Variants in AQP7 observed in about 807,000 individuals in gnomAD.
AQP7 encodes the protein aquaporin-7.
Under a neutral mutation model 26.1 loss-of-function variants are expected in AQP7, and 22 were observed. The observed-to-expected ratio is 0.84, with a 90% CI of 0.60 to 1.20. The LOEUF is 1.20. Among genes scored for constraint, AQP7 ranks in the 50% most tolerant of loss-of-function variants. The pLI, the probability that AQP7 is intolerant of heterozygous loss-of-function variation, is 0.00. For missense variants in AQP7, 412 were observed against 457.5 expected (o/e 0.90, Z 0.91); for synonymous variants, 167 against 181.7 (o/e 0.92, Z 0.65).
At chr9:33,401,165 A>G (rs3870386) in intron 2 of AQP7, 72 bp downstream of exon 2, 16 of 1,496,972 alleles carry the variant, frequency 1.1e-5, no homozygotes, top group Middle Eastern at 4.7e-4. Context: ...TGAGGATGGA[A>G]CAGGGAGGGC....
rs1215848555 is a variant in AQP7, at chr9:33,387,002, T to C, written c.235A>G (p.Thr79Ala). ...GVNLGFGFGV[T>A]MGVHVAGRIS... is the part of the protein sequence containing the mutation. ...CGGCCTGCCACGTGCACTCCCATGG[T>C]GACTCCGAAGCCAAAACCCAAGTTG... Residue 79 changes from threonine to alanine, a missense_variant, in exon 4 of 8, where the codon ACC becomes GCC. Transcript: ENST00000297988. The C allele has an allele frequency of 3.7e-6, 6 of 1,611,958 alleles. No individual in the cohort carries two copies. The highest frequency in any genetic ancestry group is 4.2e-6 in the Non-Finnish European group (5 of 1,179,816).
intron 3 of AQP7, among the ~76,000 whole-genome samples, chr9:33,394,434 T>G (rs76975571): frequency 2.0e-5 from 3 of 151,254 alleles, no homozygotes; most frequent in African/African-American, 7.3e-5. Flanking sequence ...CACTGCCCTC[T>G]GGATTCATTA....
At chr9:33,392,623 G>T (rs1359088420) in intron 3 of AQP7, among the ~76,000 whole-genome samples, 2 of 152,170 alleles carry the variant, frequency 1.3e-5, no homozygotes, top group Non-Finnish European at 2.9e-5. Context: ...GCACCCTCCT[G>T]CCTCCGAGGT....
At chr9:33,385,350 C>T in intron 7 of AQP7, 60 bp from the exon 8 acceptor site, 2 of 1,547,256 alleles carry the variant, frequency 1.3e-6, no homozygotes, top group Non-Finnish European at 1.7e-6. Context: ...CACCCTCATC[C>T]ACCTCGGGCC....
At chr9:33,389,750 G>A (rs1484034982) in intron 3 of AQP7, among the ~76,000 whole-genome samples, 1 of 152,144 alleles carries the variant, frequency 6.6e-6, no homozygotes, top group African/African-American at 2.4e-5. Context: ...TAAGAAGGCA[G>A]ACCAGGCCGG....
chr9:33,395,021 G>A (rs1188777820), intron 3 of AQP7, 57 bp downstream of exon 3: 2 of 1,442,140 alleles, frequency 1.4e-6, no homozygotes, highest in Admixed American at 3.4e-5. Context: ...GCATGGGGAG[G>A]GGGTCATGGA....
Position 33,386,196 on chromosome 9 carries a change from C to G in AQP7, c.407-1G>C, listed in dbSNP as rs780744415. On this transcript the variant is annotated splice_acceptor_variant, in intron 5 of 7. Transcript: ENST00000297988. LOFTEE classifies it high-confidence loss of function. Reference sequence around the variant, plus strand: ...CCACCCGAAAAGTGGAGAATGGCCGCTGCGGAGACACAGACTGTCATGCGA... The same window carrying G: ...CCACCCGAAAAGTGGAGAATGGCCGGTGCGGAGACACAGACTGTCATGCGA... 3.7e-6 allele frequency: 6 copies of G among 1,614,014 alleles called. No homozygotes were observed. The Admixed American group carries it at 1.0e-4, about 27-fold the overall frequency.
At chr9:33,391,255 C>T (rs1379828379) in intron 3 of AQP7, among the ~76,000 whole-genome samples, 1 of 152,202 alleles carries the variant, frequency 6.6e-6, no homozygotes, top group East Asian at 1.9e-4. Context: ...ACAGAAGTTT[C>T]CTTCTCTCTT....
chr9:33,397,680 A>T (rs1249399874), intron 2 of AQP7, among the ~76,000 whole-genome samples: 3 of 151,968 alleles, frequency 2.0e-5, no homozygotes, highest in African/African-American at 7.2e-5. Context: ...AGGGGAATTT[A>T]GGAGCCCTGA....
chr9:33,388,154 C>T (rs60426557), intron 3 of AQP7, among the ~76,000 whole-genome samples: 1,961 of 152,282 alleles, frequency 0.013, 43 homozygotes, highest in African/African-American at 0.044. Flanking sequence ...GCGGGGGAGC[C>T]GGATCCCTAT....
At chr9:33,401,463 C>T (rs1826274966) in intron 1 of AQP7, 176 bp from the exon 2 acceptor site, 1 of 605,518 alleles carries the variant, frequency 1.7e-6, no homozygotes, top group African/African-American at 1.9e-5. Context: ...AGGCGACGCC[C>T]TGGAGCCCCA....
rs937254657 is a variant in AQP7, at chr9:33,384,123, C to T, written c.*882G>A. On this transcript the variant is annotated 3_prime_UTR_variant, in exon 8 of 8. Coordinates refer to ENST00000297988, the MANE Select transcript of AQP7 (RefSeq NM_001170.3). ...AGGCAACAGAGTGATTCCTGCCTGG[C>T]CCCAGGGTCAGTGGATCCTGGCCCC... is the stretch of plus-strand genomic sequence containing the variant. 2.6e-5 allele frequency: 4 copies of T among 152,240 alleles called. No individual in the cohort carries two copies. The highest frequency in any genetic ancestry group is 5.9e-5 in the Non-Finnish European group (4 of 68,062). 9.4% of individuals were successfully genotyped at this position (152,240 alleles called of 1,614,324 possible).
intron 5 of AQP7, 48 bp from the exon 6 acceptor site, chr9:33,386,243 A>G (rs1190757475): frequency 9.3e-6 from 15 of 1,611,248 alleles, no homozygotes; most frequent in Non-Finnish European, 1.3e-5. Flanking sequence ...ACTAAGCCCC[A>G]CCGGGGTCCC....
At chr9:33,388,280 C>T (rs1011171926) in intron 3 of AQP7, among the ~76,000 whole-genome samples, 3 of 152,164 alleles carry the variant, frequency 2.0e-5, no homozygotes, top group Admixed American at 6.5e-5. Context: ...CCCCGTTGGC[C>T]GAGCCAGAAA....
rs959914653 is a variant in AQP7, at chr9:33,401,244, G to T, written c.19C>A (p.His7Asn). 5.2e-6 allele frequency: 8 copies of T among 1,549,246 alleles called. No individual in the cohort carries two copies. The African/African-American group carries it at 8.2e-5, about 16-fold the overall frequency. The change falls in exon 2 of 8, where the codon CAC becomes AAC. Residue 7 changes from histidine to asparagine, a missense_variant. By Grantham distance (68) the His-to-Asn change is moderately conservative (BLOSUM62 1). Coordinates refer to ENST00000297988, the MANE Select transcript of AQP7 (RefSeq NM_001170.3). Reference sequence around the variant, plus strand: ...AGAGGGTGGGGTACTTACCGCCTGTGCCCGGATGCTTGAACCATGTTTTGT... The same window carrying T: ...AGAGGGTGGGGTACTTACCGCCTGTTCCCGGATGCTTGAACCATGTTTTGT... MVQASG[H>N]RRSTRGSKMV...
Position 33,388,562 on chromosome 9 carries a change from A to T in AQP7, c.145-1470T>A, listed in dbSNP as rs536014434. ...CCCAATACTCTTTGTATTCAGCAAT[A>T]GTATTACTACTAAATAATAATAACC... On this transcript the variant is annotated intron_variant, in intron 3 of 7. Coordinates refer to ENST00000297988, the MANE Select transcript of AQP7 (RefSeq NM_001170.3). Among the ~76,000 whole-genome samples, 4 of 152,358 alleles carry T rather than the reference A, an allele frequency of 2.6e-5. No individual in the cohort carries two copies. In the South Asian group the frequency reaches 8.3e-4, roughly 32 times the overall value.
At position 33,385,695 on chromosome 9, in the gene AQP7, G is replaced by T. The variant is rs1936851041; in HGVS notation, c.697C>A (p.Pro233Thr). The T allele has an allele frequency of 1.2e-6, 2 of 1,613,814 alleles. No homozygotes were observed. Among genetic ancestry groups the T allele is most frequent in the Admixed American group, 1.7e-5 (1 of 60,012 alleles). The change falls in exon 7 of 8, where the codon CCC becomes ACC. Residue 233 changes from proline to threonine, a missense_variant. Transcript: ENST00000297988. ...YAINPSRDLP[P>T]RIFTFIAGWG... is the part of the protein sequence containing the mutation. ...CCAGCAATGAAGGTGAAGATGCGGG[G>T]GGGCAGGTCCCGGGACGGGTTGATG...
intron 3 of AQP7, chr9:33,393,812 T>TGCCGCTGCCCAC (rs1825617700): frequency 6.6e-6 from 1 of 152,312 alleles, no homozygotes; most frequent in African/African-American, 2.4e-5. Context: ...GTGGCCCATC[T>TGCCGCTGCCCAC]GCCGCTGCCC....
chr9:33,398,055 G>T lies in AQP7; in HGVS notation c.27-2860C>A, dbSNP rs150615499. On this transcript the variant is annotated intron_variant, in intron 2 of 7. Transcript: ENST00000297988. ...AGCACTGCCCCAGCTGAAAGAGTGG[G>T]CACCGTGGGGCATGTGGAGGAAGTG... Among the ~76,000 whole-genome samples, 1,118 of 152,322 alleles carry T rather than the reference G, an allele frequency of 7.3e-3. 6 individuals are homozygous for T. The highest frequency in any genetic ancestry group is 0.012 in the Non-Finnish European group (810 of 68,040).
Sources: allele counts gnomAD v4.1 joint callset (sites outside exome capture counted in the v4.1 genomes callset), GRCh38; gene constraint gnomAD v4.1.1; transcripts MANE v1.5; gene names NCBI Gene and HGNC (gene_info 2026-07-23, HGNC 2026-07-21).